The following GEMIN5 variants were observed in gnomAD, a reference collection of about 807,000 sequenced individuals.
The protein encoded by GEMIN5 is gem-associated protein 5.
A neutral mutation model predicts 176.9 loss-of-function variants in GEMIN5; 124 were observed. That is an observed-to-expected ratio of 0.70 (90% CI 0.61 to 0.81). The LOEUF is 0.81. Among genes scored for constraint, GEMIN5 ranks in the 40% least tolerant of loss-of-function variants. The probability of loss-of-function intolerance (pLI) is 0.00; values close to 1 mark genes in which losing one functional copy is unlikely to be tolerated. For missense variants in GEMIN5, 1,843 were observed against 1,814.6 expected (o/e 1.02, Z -0.28); for synonymous variants, 673 against 665.2 (o/e 1.01, Z -0.18).
intron 5 of GEMIN5, among the ~76,000 whole-genome samples, chr5:154,928,904 T>C (rs1475398908): frequency 6.6e-6 from 1 of 152,216 alleles, no homozygotes; most frequent in Admixed American, 6.5e-5. Flanking sequence ...ACAGGCTATC[T>C]TGACAACCTC....
Position 154,907,698 on chromosome 5 carries a change from T to C in GEMIN5, c.2288A>G (p.Glu763Gly). The part of the protein sequence containing the change: ...VKLESIDGNE[E>G]ESMKENSGPV... ...TCCTGAGTTCTCCTTCATGCTTTCT[T>C]CTTCATTTCCATCAATCGATTCCAG... Residue 763 changes from glutamate to glycine, a missense_variant, in exon 16 of 28, where the codon GAA becomes GGA. Glu to Gly is a moderately conservative substitution (Grantham distance 98). Transcript: ENST00000285873. 1 of 1,614,152 alleles carries C rather than the reference T, an allele frequency of 6.2e-7. No homozygotes were observed. The highest frequency in any genetic ancestry group is 1.1e-5 in the South Asian group (1 of 91,080).
At chr5:154,893,854 T>C (rs759827781) in intron 24 of GEMIN5, among the ~76,000 whole-genome samples, 3 of 152,188 alleles carry the variant, frequency 2.0e-5, no homozygotes, top group Admixed American at 6.5e-5. Flanking sequence ...CACCATTCTC[T>C]TGCCTCAGCC....
chr5:154,931,282 G>C (rs1434128395), intron 5 of GEMIN5, among the ~76,000 whole-genome samples, 176 bp downstream of exon 5: 2 of 152,230 alleles, frequency 1.3e-5, no homozygotes, highest in South Asian at 2.1e-4. Context: ...TCTAAGGCCA[G>C]ATGTTGAGAG....
At position 154,938,016 on chromosome 5, in the gene GEMIN5, G is replaced by C. The variant is rs1196197982; in HGVS notation, c.118C>G (p.Arg40Gly). ...FAARTSVFLVRVGPGAGESPG... is the reference protein window; with the variant it reads ...FAARTSVFLVGVGPGAGESPG... ...CTCTCGCCTGCGCCCGGGCCCACGC[G>C]GACAAGGAAGACGGAGGTCCGCGCG... Residue 40 changes from arginine (R) to glycine (G), a missense_variant, in exon 1 of 28, where the codon CGC becomes GGC. Physicochemically the swap from Arg to Gly is moderately radical, Grantham distance 125. Coordinates refer to ENST00000285873, the MANE Select transcript of GEMIN5 (RefSeq NM_015465.5). 3 of 1,566,852 alleles carry C rather than the reference G, an allele frequency of 1.9e-6. No homozygotes were observed. In the Admixed American group the frequency reaches 5.6e-5, roughly 29 times the overall value.
At position 154,917,141 on chromosome 5, in the gene GEMIN5, A is replaced by G; in HGVS notation, c.1712T>C (p.Ile571Thr). The change falls in exon 13 of 28, where the codon ATC becomes ACC. Residue 571 changes from isoleucine (I) to threonine (T), a missense_variant. Physicochemically the swap from Ile to Thr is moderately conservative, Grantham distance 89. Coordinates refer to ENST00000285873, the MANE Select transcript of GEMIN5 (RefSeq NM_015465.5). Reference protein sequence around the residue: ...EIFQIPNLKLICTIQQHHKLV... With the variant: ...EIFQIPNLKLTCTIQQHHKLV... ...CTTGTGATGCTGTTGGATAGTACAG[A>G]TCAGTTTCAGGTTGGGAATCTGAAA... 1 of 1,547,104 alleles carries G rather than the reference A, an allele frequency of 6.5e-7. No individual in the cohort carries two copies. The highest frequency in any genetic ancestry group is 8.8e-7 in the Non-Finnish European group (1 of 1,136,060).
chr5:154,933,473 C>CT (rs1225239487), intron 3 of GEMIN5, among the ~76,000 whole-genome samples: 1 of 152,120 alleles, frequency 6.6e-6, no homozygotes, highest in Non-Finnish European at 1.5e-5. Context: ...AGGGCTTCCA[C>CT]TTTTTTACAA....
intron 10 of GEMIN5, 25 bp downstream of exon 10, chr5:154,921,318 G>T: frequency 2.1e-6 from 2 of 951,282 alleles, no homozygotes; most frequent in Non-Finnish European, 3.5e-6. Flanking sequence ...TCTCATATTT[G>T]TTATGGAATT....
At position 154,892,388 on chromosome 5, in the gene GEMIN5, G is replaced by A. The variant is rs816736; in HGVS notation, c.3759C>T (p.Asp1253=). 1,576,460 of 1,613,120 alleles carry A rather than the reference G, an allele frequency of 0.98. 770,857 individuals carry two copies. Among genetic ancestry groups the A allele is most frequent in the Middle Eastern group, 0.99 (6,002 of 6,058 alleles). Residue 1253 remains aspartate, a splice_region_variant and synonymous_variant, in exon 25 of 28, where the codon GAC becomes GAT. Transcript: ENST00000285873. ...MQEVYSAFLP[D]GCDHLRDKLG... Reference sequence around the variant, plus strand: ...CTCAGGCAGCAGGAAGTCACTTACCGTCAGGGAGAAAGGCTGAGTACACTT... The same window carrying A: ...CTCAGGCAGCAGGAAGTCACTTACCATCAGGGAGAAAGGCTGAGTACACTT...
intron 15 of GEMIN5, among the ~76,000 whole-genome samples, chr5:154,909,749 C>A (rs544831899): frequency 6.6e-6 from 1 of 152,042 alleles, no homozygotes. Context: ...GAGGCTGAGG[C>A]GGGCAGATCA....
At chr5:154,889,467 A>C (rs1406158283) in intron 26 of GEMIN5, 50 bp from the exon 27 acceptor site, 3 of 1,004,756 alleles carry the variant, frequency 3.0e-6, no homozygotes, top group Non-Finnish European at 4.6e-6. Context: ...CCTGGGTAAC[A>C]TTTTTCTCCC....
In GEMIN5 at chr5:154,938,038, C is replaced by A; in HGVS notation, c.96G>T (p.Ala32=). ...CGCGGACAAGGAAGACGGAGGTCCG[C>A]GCGGCGAAGCCAAAGAGGCCCCCGG... The part of the protein sequence containing the change: ...AVPGGLFGFA[A]RTSVFLVRVG... The change falls in exon 1 of 28, where the codon GCG becomes GCT. Residue 32 remains alanine, a synonymous_variant. Coordinates refer to ENST00000285873, the MANE Select transcript of GEMIN5 (RefSeq NM_015465.5). The A allele has an allele frequency of 1.3e-6, 2 of 1,549,796 alleles. No homozygotes were observed. The highest frequency in any genetic ancestry group is 1.7e-6 in the Non-Finnish European group (2 of 1,151,840).
rs746343045 is a variant in GEMIN5 at position 154,891,617 on chromosome 5, A to C, written c.3886T>G (p.Cys1296Gly). 1 of 1,614,194 alleles carries C rather than the reference A, an allele frequency of 6.2e-7. No homozygotes were observed. The highest frequency in any genetic ancestry group is 1.1e-5 in the South Asian group (1 of 91,084). ...YEFWWSLSRP[C>G]PNSSVWVRAG... ...CTTACCCAGACACTGGAATTTGGGCAAGGTCTGGAGAGAGACCACCAGAAT... is the reference window on the plus strand; with the variant it reads ...CTTACCCAGACACTGGAATTTGGGCCAGGTCTGGAGAGAGACCACCAGAAT... The change falls in exon 26 of 28, where the codon TGC becomes GGC. Residue 1296 changes from cysteine (C) to glycine (G), a missense_variant. Coordinates refer to ENST00000285873, the MANE Select transcript of GEMIN5 (RefSeq NM_015465.5).
In GEMIN5 at chr5:154,931,955, G is replaced by A. The variant is rs1288664629; in HGVS notation, c.661+144C>T. On this transcript the variant is annotated intron_variant, in intron 4 of 27. Coordinates refer to ENST00000285873, the MANE Select transcript of GEMIN5 (RefSeq NM_015465.5). The stretch of plus-strand genomic sequence containing the variant: ...TTGAACCCGGGAGGCGGAGGTTGCG[G>A]TGAGCCGAGATCACGCTCCAGCCTA... 1.2e-5 allele frequency: 8 copies of A among 669,270 alleles called. No individual in the cohort carries two copies. The African/African-American group carries it at 1.5e-4, about 12-fold the overall frequency. 41.5% of individuals were successfully genotyped at this position (669,270 alleles called of 1,614,324 possible).
chr5:154,934,746 A>C (rs1764232475), intron 3 of GEMIN5, among the ~76,000 whole-genome samples: 1 of 152,182 alleles, frequency 6.6e-6, no homozygotes, highest in Non-Finnish European at 1.5e-5. Flanking sequence ...TTTACTTTAA[A>C]TTTATGGCCA....
chr5:154,891,155 A>T, intron 26 of GEMIN5, 86 bp downstream of exon 26: 1 of 1,227,064 alleles, frequency 8.1e-7, no homozygotes, highest in Non-Finnish European at 1.1e-6. Flanking sequence ...TCAGCCTCCC[A>T]AAGTGCTGGG....
chr5:154,926,021 A>G lies in GEMIN5; in HGVS notation c.1134T>C (p.Leu378=). 6.2e-7 allele frequency: 1 copy of G among 1,613,802 alleles called. No individual in the cohort carries two copies. Among genetic ancestry groups the G allele is most frequent in the South Asian group, 1.1e-5 (1 of 91,072 alleles). ...AAGCCAGGCTGTATGCAAACCCACC[A>G]AGGGAAGGAAGGGTCCAGCTGCACT... ...TLECSWTLPS[L]GGFAYSLAFS... Residue 378 remains leucine (L), a synonymous_variant, in exon 8 of 28, where the codon CTT becomes CTC. Transcript: ENST00000285873.
At chr5:154,893,357 G>C (rs571693543) in intron 24 of GEMIN5, among the ~76,000 whole-genome samples, 2 of 149,922 alleles carry the variant, frequency 1.3e-5, no homozygotes, top group African/African-American at 2.5e-5. Context: ...TTGAACCCGA[G>C]AGGCGGAGGT....
Position 154,898,645 on chromosome 5 carries a change from A to C in GEMIN5, c.3140T>G (p.Leu1047Ter), listed in dbSNP as rs961763433. The change falls in exon 23 of 28, where the codon TTA (leucine) becomes TGA (stop). Residue 1047 changes from leucine to a stop codon, truncating the protein, a stop_gained. Transcript: ENST00000285873. LOFTEE classifies it high-confidence loss of function. ...TGCATCATAAGCACAAGTGGCCCCT[A>C]AATAGCTATAATATGAATAAAAATG... ...GHYAVAAKCY[L>*]GATCAYDAAK... 2 of 1,604,690 alleles carry C rather than the reference A, an allele frequency of 1.2e-6. No individual in the cohort carries two copies. Among genetic ancestry groups the C allele is most frequent in the East Asian group, 4.5e-5 (2 of 44,860 alleles).
intron 3 of GEMIN5, among the ~76,000 whole-genome samples, chr5:154,932,751 A>G (rs4958771): frequency 0.83 from 126,513 of 152,040 alleles, 53,349 homozygotes; most frequent in Non-Finnish European, 0.91. Flanking sequence ...TTTTGTAGAG[A>G]TGAGGTTTCA....
Sources: allele counts gnomAD v4.1 joint callset (sites outside exome capture counted in the v4.1 genomes callset), GRCh38; gene constraint gnomAD v4.1.1; transcripts MANE v1.5; gene names NCBI Gene and HGNC (gene_info 2026-07-23, HGNC 2026-07-21).